Variants in WWOX observed in about 807,000 individuals in gnomAD.
WWOX encodes WW domain-containing oxidoreductase.
A neutral mutation model predicts 46.2 loss-of-function variants in WWOX; 69 were observed. The ratio of observed to expected loss-of-function variants is 1.49; its 90% CI spans 1.23 to 1.82. The LOEUF (loss-of-function observed/expected upper bound fraction) is 1.82. WWOX is among the 40% of genes most tolerant of loss of function. The probability of loss-of-function intolerance (pLI) is 0.00; values close to 1 mark genes in which losing one functional copy is unlikely to be tolerated. For synonymous variants in WWOX, 359 were observed against 202.6 expected, an observed-to-expected ratio of 1.77 and a Z score of -6.56; for missense variants, 919 against 542.6, an observed-to-expected ratio of 1.69 and a Z score of -6.89.
intron 8 of WWOX, among the ~76,000 whole-genome samples, chr16:78,816,333 A>AG (rs1462298576): frequency 2.0e-5 from 3 of 152,116 alleles, no homozygotes; most frequent in Admixed American, 2.0e-4. Flanking sequence ...TGATATATCG[A>AG]GGACTCCAGA....
chr16:78,701,835 G>A (rs953897284), intron 8 of WWOX, among the ~76,000 whole-genome samples: 4 of 151,452 alleles, frequency 2.6e-5, no homozygotes, highest in East Asian at 2.0e-4. Flanking sequence ...CCATGATGGC[G>A]CAGCTCTCAG....
intron 5 of WWOX, among the ~76,000 whole-genome samples, chr16:78,353,146 G>T (rs973608606): frequency 1.3e-5 from 2 of 152,088 alleles, no homozygotes; most frequent in Non-Finnish European, 2.9e-5. Flanking sequence ...AGCTAACTAT[G>T]CATTCCTTTT....
intron 8 of WWOX, among the ~76,000 whole-genome samples, chr16:78,910,374 T>G (rs2045077418): frequency 6.6e-6 from 1 of 152,062 alleles, no homozygotes; most frequent in South Asian, 2.1e-4. Context: ...ACTTGTAGTA[T>G]GTGCAAGAAT....
At chr16:78,212,139 GC>G (rs1567431581) in intron 5 of WWOX, among the ~76,000 whole-genome samples, 1 of 152,208 alleles carries the variant, frequency 6.6e-6, no homozygotes, top group Non-Finnish European at 1.5e-5. Flanking sequence ...CATTCCAGAG[GC>G]TAGCACCTGG....
intron 8 of WWOX, among the ~76,000 whole-genome samples, chr16:78,696,237 C>G (rs543266585): frequency 8.5e-5 from 13 of 152,296 alleles, no homozygotes; most frequent in Middle Eastern, 6.8e-3. Flanking sequence ...AAGAGTGATA[C>G]TAATACCTGC....
intron 8 of WWOX, among the ~76,000 whole-genome samples, chr16:79,126,039 A>T (rs1159191361): frequency 6.6e-6 from 1 of 152,198 alleles, no homozygotes; most frequent in African/African-American, 2.4e-5. Flanking sequence ...ATGGATAAAC[A>T]TGTACAAAAT....
intron 8 of WWOX, among the ~76,000 whole-genome samples, chr16:78,591,180 T>C (rs1228850808): frequency 6.6e-6 from 1 of 152,196 alleles, no homozygotes; most frequent in South Asian, 2.1e-4. Context: ...TTTTAGCACT[T>C]CCAGACATTA....
At chr16:78,922,639 A>G (rs559286204) in intron 8 of WWOX, among the ~76,000 whole-genome samples, 17 of 152,304 alleles carry the variant, frequency 1.1e-4, no homozygotes, top group African/African-American at 3.8e-4. Context: ...TTGGCCTCCC[A>G]AAGTGCTGGG....
chr16:78,244,323 TA>T (rs2037750540), intron 5 of WWOX, among the ~76,000 whole-genome samples: 1 of 152,244 alleles, frequency 6.6e-6, no homozygotes, highest in Non-Finnish European at 1.5e-5. Context: ...TAGATGCTGA[TA>T]AATTGCCGTT....
chr16:79,166,686 G>A (rs2050601137), intron 8 of WWOX, among the ~76,000 whole-genome samples: 1 of 152,126 alleles, frequency 6.6e-6, no homozygotes, highest in African/African-American at 2.4e-5. Context: ...AAGGCACATG[G>A]TGACTACTGT....
chr16:78,930,292 T>TTA lies in WWOX; in HGVS notation c.1057-281315_1057-281314insAT, dbSNP rs1341541117. ...CTTTCTCTCTTTCTTTTTTTATTTT[T>TTA]TTTTTCAGACAGGGTCTCCTCCACA... On this transcript the variant is annotated intron_variant, in intron 8 of 8. Coordinates refer to ENST00000566780, the MANE Select transcript of WWOX (RefSeq NM_016373.4). 6.5e-4 allele frequency among the ~76,000 whole-genome samples: 96 copies of TTA among 147,892 alleles called. 2 individuals are homozygous for TTA. The highest frequency in any genetic ancestry group is 2.3e-3 in the African/African-American group (90 of 39,566).
At chr16:78,922,514 GA>G (rs1265270446) in intron 8 of WWOX, among the ~76,000 whole-genome samples, 1 of 151,944 alleles carries the variant, frequency 6.6e-6, no homozygotes, top group Non-Finnish European at 1.5e-5. Context: ...GAGTCACTGG[GA>G]TTACAGGCAT....
chr16:78,458,321 C>T (rs948514563), intron 8 of WWOX, among the ~76,000 whole-genome samples: 5 of 147,398 alleles, frequency 3.4e-5, no homozygotes, highest in African/African-American at 7.5e-5. Flanking sequence ...AGTACAGTGG[C>T]GTGATCACAG....
intron 8 of WWOX, among the ~76,000 whole-genome samples, chr16:78,522,128 A>G (rs2043361276): frequency 6.7e-6 from 1 of 149,416 alleles, no homozygotes; most frequent in Non-Finnish European, 1.5e-5. Context: ...GGAGAAGGGA[A>G]GTGATGGAAG....
At chr16:79,027,296 G>A (rs963785308) in intron 8 of WWOX, among the ~76,000 whole-genome samples, 3 of 126,210 alleles carry the variant, frequency 2.4e-5, no homozygotes, top group African/African-American at 8.8e-5. Flanking sequence ...AAAAAAAAAG[G>A]TAGAGATGGT....
intron 5 of WWOX, among the ~76,000 whole-genome samples, chr16:78,305,557 C>G (rs67080937): frequency 0.067 from 10,240 of 152,062 alleles, 966 homozygotes; most frequent in African/African-American, 0.21. Context: ...TTAAAAAGCC[C>G]CAGACCATTC....
At chr16:78,501,984 G>C (rs575636784) in intron 8 of WWOX, among the ~76,000 whole-genome samples, 1 of 152,212 alleles carries the variant, frequency 6.6e-6, no homozygotes, top group South Asian at 2.1e-4. Context: ...GTTTCTGGGG[G>C]CATGGACCTG....
intron 8 of WWOX, among the ~76,000 whole-genome samples, chr16:78,569,048 G>A (rs1177877328): frequency 6.6e-6 from 1 of 152,180 alleles, no homozygotes; most frequent in Admixed American, 6.5e-5. Flanking sequence ...CTGGGTGTCA[G>A]CCTCTTGGGC....
intron 8 of WWOX, among the ~76,000 whole-genome samples, chr16:78,485,607 C>G (rs1001638090): frequency 6.6e-6 from 1 of 152,122 alleles, no homozygotes; most frequent in Non-Finnish European, 1.5e-5. Flanking sequence ...TCTCACAGCA[C>G]GCATTTGTTC....
Sources: gnomAD v4.1 joint callset for allele counts (sites outside exome capture counted in the v4.1 genomes callset) on GRCh38, gnomAD v4.1.1 for gene constraint, MANE v1.5 for transcripts, NCBI Gene and HGNC (gene_info 2026-07-23, HGNC 2026-07-21) for gene names.